The following XRN1 variants were observed in gnomAD, a reference collection of about 807,000 sequenced individuals.
XRN1 encodes 5'-3' exoribonuclease 1, also known as strand-exchange protein 1 homolog.
Under a neutral mutation model 222.3 loss-of-function variants are expected in XRN1, and 67 were observed. That is an observed-to-expected ratio of 0.30 (90% confidence interval 0.25 to 0.37). The LOEUF (loss-of-function observed/expected upper bound fraction) is 0.37. Ranked by LOEUF, XRN1 falls within the 10% of genes least tolerant of loss-of-function variation. The pLI is 1.00. For missense variants in XRN1, 1,707 were observed against 2,000.2 expected (o/e 0.85, Z 2.80); for synonymous variants, 643 against 652.4 (o/e 0.99, Z 0.22).
At chr3:142,381,753 G>T (rs2067312653) in intron 22 of XRN1, among the ~76,000 whole-genome samples, 1 of 151,776 alleles carries the variant, frequency 6.6e-6, no homozygotes, top group East Asian at 1.9e-4. Flanking sequence ...TTTTAGCAGA[G>T]ATGAGGTTTC....
intron 2 of XRN1, among the ~76,000 whole-genome samples, chr3:142,431,941 AT>A (rs1248828894): frequency 3.6e-5 from 3 of 84,188 alleles, no homozygotes; most frequent in African/African-American, 1.4e-4. Flanking sequence ...TATTGTATAT[AT>A]TATATAATAT....
chr3:142,348,811 A>AT lies in XRN1; in HGVS notation c.3769-1470dup, dbSNP rs143677107. On this transcript the variant is annotated intron_variant, in intron 32 of 40. Transcript: ENST00000392981. ...TCAGTTTTTTAAAAATCTATTTTTTATTTTTTTTGTAGAGACAGGGATCTT... is the reference window on the plus strand; with the variant it reads ...TCAGTTTTTTAAAAATCTATTTTTTATTTTTTTTTGTAGAGACAGGGATCTT... Among the ~76,000 whole-genome samples, 90 of 152,010 alleles carry AT rather than the reference A, an allele frequency of 5.9e-4. 1 individual carries two copies. Among genetic ancestry groups the AT allele is most frequent in the East Asian group, 5.0e-3 (26 of 5,164 alleles).
At chr3:142,357,693 G>A (rs531810019) in intron 30 of XRN1, among the ~76,000 whole-genome samples, 45 of 151,876 alleles carry the variant, frequency 3.0e-4, no homozygotes, top group Admixed American at 1.2e-3. Context: ...CTCCCAAAGT[G>A]TTGGGATTAC....
At position 142,389,913 on chromosome 3, in the gene XRN1, G is replaced by A. The variant is rs142570928; in HGVS notation, c.2340-5228C>T. 1.2e-3 allele frequency among the ~76,000 whole-genome samples: 185 copies of A among 152,304 alleles called. 2 individuals are homozygous for A. The highest frequency in any genetic ancestry group is 4.3e-3 in the African/African-American group (178 of 41,562). ...GGATGTTGTGTTTGCATGCGTGAAT[G>A]GATGTTGTGTTTGCATGTGTGAAAA... On this transcript the variant is annotated intron_variant, in intron 20 of 40. Coordinates refer to ENST00000392981, the MANE Select transcript of XRN1 (RefSeq NM_001282857.2).
chr3:142,332,334 T>C (rs1434716813), intron 36 of XRN1, 41 bp downstream of exon 36: 2 of 1,397,470 alleles, frequency 1.4e-6, no homozygotes, highest in Non-Finnish European at 1.9e-6. Flanking sequence ...GAATTGAATT[T>C]TTAAAATGAT....
chr3:142,352,445 TTTTC>T (rs2066335938), intron 32 of XRN1, among the ~76,000 whole-genome samples: 1 of 152,166 alleles, frequency 6.6e-6, no homozygotes, highest in African/African-American at 2.4e-5. Flanking sequence ...ACCTTAATTT[TTTTC>T]TTTATTCTTT....
chr3:142,316,264 T>A (rs1181875200), intron 39 of XRN1, among the ~76,000 whole-genome samples: 1 of 148,362 alleles, frequency 6.7e-6, no homozygotes, highest in African/African-American at 2.5e-5. Flanking sequence ...TCACCCAGGC[T>A]GGGGTGCAGT....
intron 27 of XRN1, among the ~76,000 whole-genome samples, chr3:142,369,457 G>C (rs1390717931): frequency 6.6e-6 from 1 of 151,454 alleles, no homozygotes; most frequent in Non-Finnish European, 1.5e-5. Context: ...GACCAGCCTG[G>C]CCAACAAGGC....
At position 142,397,479 on chromosome 3, in the gene XRN1, A is replaced by C. The variant is rs199626950; in HGVS notation, c.2208-19T>G. ...GTAAAACCTTAAGAGTTAAAATAAA[A>C]ATTATATAACCAAAATGTTCTGGTT... On this transcript the variant is annotated intron_variant, in intron 19 of 40. Transcript: ENST00000392981. The C allele has an allele frequency of 1.9e-6, 3 of 1,564,848 alleles. No individual in the cohort carries two copies. Among genetic ancestry groups the C allele is most frequent in the Non-Finnish European group, 2.6e-6 (3 of 1,157,704 alleles).
chr3:142,443,361 G>A (rs1339959160), intron 1 of XRN1, among the ~76,000 whole-genome samples: 6 of 152,152 alleles, frequency 3.9e-5, no homozygotes, highest in East Asian at 1.9e-4. Flanking sequence ...TTCCTAGGCC[G>A]ACTAAGAATC....
chr3:142,414,379 C>A, intron 13 of XRN1, 88 bp from the exon 14 acceptor site: 2 of 1,017,134 alleles, frequency 2.0e-6, no homozygotes. Flanking sequence ...ATTTTAACAA[C>A]ATATAAAAAT....
chr3:142,440,350 T>G (rs1310780952), intron 1 of XRN1, among the ~76,000 whole-genome samples: 1 of 151,990 alleles, frequency 6.6e-6, no homozygotes, highest in Non-Finnish European at 1.5e-5. Context: ...CTAGCAAAAG[T>G]AGGGGTCATT....
intron 32 of XRN1, among the ~76,000 whole-genome samples, chr3:142,349,198 C>A (rs1468155493): frequency 6.6e-6 from 1 of 152,126 alleles, no homozygotes; most frequent in Non-Finnish European, 1.5e-5. Flanking sequence ...CAGTGACCTA[C>A]CTGCGTTGGC....
At chr3:142,352,490 T>A (rs564380792) in intron 32 of XRN1, among the ~76,000 whole-genome samples, 1 of 152,148 alleles carries the variant, frequency 6.6e-6, no homozygotes, top group Non-Finnish European at 1.5e-5. Context: ...ATTTTTTATG[T>A]TTATTTTATT....
intron 1 of XRN1, among the ~76,000 whole-genome samples, chr3:142,436,496 C>G (rs2069918395): frequency 6.6e-6 from 1 of 152,132 alleles, no homozygotes; most frequent in South Asian, 2.1e-4. Flanking sequence ...TAACTAATCA[C>G]AAAGTACGAA....
intron 32 of XRN1, among the ~76,000 whole-genome samples, chr3:142,350,671 G>T (rs1359392661): frequency 1.3e-5 from 2 of 152,092 alleles, no homozygotes; most frequent in Non-Finnish European, 2.9e-5. Flanking sequence ...TTGGAGTAGG[G>T]TAGTAGGAGC....
At chr3:142,423,188 T>G (rs532199614) in intron 6 of XRN1, among the ~76,000 whole-genome samples, 2 of 152,202 alleles carry the variant, frequency 1.3e-5, no homozygotes, top group East Asian at 1.9e-4. Flanking sequence ...AAATAACATA[T>G]AGTAGAAGTA....
At chr3:142,396,396 A>G (rs1464394463) in intron 20 of XRN1, among the ~76,000 whole-genome samples, 1 of 152,240 alleles carries the variant, frequency 6.6e-6, no homozygotes. Context: ...GGTGCATACT[A>G]TCTAAAGAAA....
intron 32 of XRN1, among the ~76,000 whole-genome samples, chr3:142,352,784 T>C (rs555306790): frequency 1.3e-5 from 2 of 152,272 alleles, no homozygotes; most frequent in Admixed American, 1.3e-4. Context: ...GGACTACACA[T>C]GTGTGCCACC....
Sources: gnomAD v4.1 joint callset for allele counts (sites outside exome capture counted in the v4.1 genomes callset) on GRCh38, gnomAD v4.1.1 for gene constraint, MANE v1.5 for transcripts, NCBI Gene and HGNC (gene_info 2026-07-23, HGNC 2026-07-21) for gene names.